Variants in TENM2 observed in about 807,000 individuals in gnomAD.
TENM2 encodes the protein teneurin-2.
A neutral mutation model predicts 245.2 loss-of-function variants in TENM2; 52 were observed. The observed-to-expected ratio is 0.21, with a 90% CI of 0.17 to 0.27. The LOEUF is 0.27. Ranked by LOEUF, TENM2 falls within the 10% of genes least tolerant of loss-of-function variation. The probability of loss-of-function intolerance (pLI) is 1.00; values close to 1 mark genes in which losing one functional copy is unlikely to be tolerated. For synonymous variants in TENM2, 1,363 were observed against 1,438.9 expected (o/e 0.95, Z 1.19); for missense variants, 3,046 against 3,666.8 (o/e 0.83, Z 4.37).
chr5:167,828,963 G>A (rs896566574), intron 2 of TENM2, among the ~76,000 whole-genome samples: 1 of 152,188 alleles, frequency 6.6e-6, no homozygotes, highest in African/African-American at 2.4e-5. Flanking sequence ...CTGCCCATCT[G>A]CCTTGCCTCT....
chr5:167,654,198 C>T (rs1333002910), intron 2 of TENM2, among the ~76,000 whole-genome samples: 2 of 151,984 alleles, frequency 1.3e-5, no homozygotes, highest in African/African-American at 2.4e-5. Flanking sequence ...TCAGTTATGG[C>T]ATGTATGCTG....
intron 2 of TENM2, among the ~76,000 whole-genome samples, chr5:167,859,209 A>G (rs1406437604): frequency 3.5e-5 from 2 of 57,552 alleles, no homozygotes; most frequent in Non-Finnish European, 7.0e-5. Context: ...GCCCCGTCTG[A>G]GAAGTGAGGA....
intron 2 of TENM2, among the ~76,000 whole-genome samples, chr5:167,517,256 A>G (rs1770442272): frequency 6.6e-6 from 1 of 152,218 alleles, no homozygotes; most frequent in African/African-American, 2.4e-5. Context: ...TGAGAAGCTT[A>G]ATGTCACTGT....
In TENM2 at chr5:168,200,651, A is replaced by G. The variant is rs115473696; in HGVS notation, c.3430+520A>G. Reference sequence around the variant, plus strand: ...ACGGAGCACTTGTAAATGGCACAGAATGACCCTGAATAATCAGAAAACAGG... The same window carrying G: ...ACGGAGCACTTGTAAATGGCACAGAGTGACCCTGAATAATCAGAAAACAGG... On this transcript the variant is annotated intron_variant, in intron 17 of 28. Transcript: ENST00000518659. Among the ~76,000 whole-genome samples, 632 of 152,344 alleles carry G rather than the reference A, an allele frequency of 4.1e-3. 5 individuals carry two copies. Among genetic ancestry groups the G allele is most frequent in the African/African-American group, 0.015 (605 of 41,576 alleles).
the TENM2 span, among the ~76,000 whole-genome samples, chr5:167,055,319 T>C: frequency 6.6e-6 from 1 of 152,130 alleles, no homozygotes; most frequent in Non-Finnish European, 1.5e-5. Context: ...ATTGTATTGC[T>C]TTTGCTCTTT....
At chr5:167,712,258 T>C (rs1411079721) in intron 2 of TENM2, among the ~76,000 whole-genome samples, 1 of 152,216 alleles carries the variant, frequency 6.6e-6, no homozygotes, top group Admixed American at 6.5e-5. Flanking sequence ...AAATGAGGTA[T>C]TTTAGTGTAT....
the TENM2 span, among the ~76,000 whole-genome samples, chr5:167,170,957 C>T: frequency 6.6e-6 from 1 of 152,174 alleles, no homozygotes; most frequent in Non-Finnish European, 1.5e-5. Flanking sequence ...TTTGATTCTC[C>T]TCTGGTTTCT....
chr5:168,100,572 A>G (rs999877086), intron 9 of TENM2, among the ~76,000 whole-genome samples: 2 of 152,224 alleles, frequency 1.3e-5, no homozygotes, highest in Admixed American at 6.5e-5. Flanking sequence ...GGATGAGTTC[A>G]TATCCTTTGC....
At chr5:167,327,917 A>G (rs1168100270) in intron 1 of TENM2, among the ~76,000 whole-genome samples, 1 of 152,124 alleles carries the variant, frequency 6.6e-6, no homozygotes, top group Non-Finnish European at 1.5e-5. Flanking sequence ...ATAAGAGATG[A>G]TGTTTGTGAT....
chr5:167,725,096 C>T (rs1759900326), intron 2 of TENM2, among the ~76,000 whole-genome samples: 1 of 152,086 alleles, frequency 6.6e-6, no homozygotes, highest in Non-Finnish European at 1.5e-5. Flanking sequence ...TATGCTTGTG[C>T]TAATTTACAT....
chr5:167,408,034 TG>T (rs1762723961), intron 2 of TENM2, among the ~76,000 whole-genome samples: 1 of 152,184 alleles, frequency 6.6e-6, no homozygotes, highest in South Asian at 2.1e-4. Flanking sequence ...ATTCTTCTTC[TG>T]GGGAAATATC....
At chr5:167,759,156 T>G (rs1165893389) in intron 2 of TENM2, among the ~76,000 whole-genome samples, 1 of 148,166 alleles carries the variant, frequency 6.7e-6, no homozygotes, top group Non-Finnish European at 1.5e-5. Flanking sequence ...TGACACATAC[T>G]AGATTACTTG....
chr5:167,546,247 C>T (rs951800282), intron 2 of TENM2, among the ~76,000 whole-genome samples: 2 of 152,142 alleles, frequency 1.3e-5, no homozygotes, highest in Non-Finnish European at 2.9e-5. Context: ...TTATTCATCT[C>T]AATTGTTGTG....
chr5:167,491,539 C>T (rs780585944), intron 2 of TENM2, among the ~76,000 whole-genome samples: 17 of 152,156 alleles, frequency 1.1e-4, no homozygotes, highest in Non-Finnish European at 2.2e-4. Flanking sequence ...CCACTGTCCA[C>T]AGTACATTTC....
chr5:167,662,798 C>T lies in TENM2; in HGVS notation c.503-213188C>T, dbSNP rs566440295. Among the ~76,000 whole-genome samples the T allele has an allele frequency of 3.3e-5, 5 of 152,240 alleles. No individual in the cohort carries two copies. In the East Asian group the frequency reaches 9.7e-4, roughly 29 times the overall value. On this transcript the variant is annotated intron_variant, in intron 2 of 28. Coordinates refer to ENST00000518659, the Ensembl canonical transcript of TENM2. ...TCAAAGTGTGGTCTATGGACGAACA[C>T]CACCATCAGCATCACCTGAGAGCTT...
chr5:168,234,390 G>T (rs1318204531), intron 25 of TENM2, among the ~76,000 whole-genome samples: 2 of 152,088 alleles, frequency 1.3e-5, no homozygotes, highest in African/African-American at 2.4e-5. Context: ...GACCATACCT[G>T]TATCTTATAA....
chr5:167,862,852 C>G (rs1372788267), intron 2 of TENM2, among the ~76,000 whole-genome samples: 3 of 152,194 alleles, frequency 2.0e-5, no homozygotes. Context: ...CCATACTTGT[C>G]ATGAGAATAG....
chr5:167,398,456 G>A (rs1762196389), intron 2 of TENM2, among the ~76,000 whole-genome samples: 1 of 138,542 alleles, frequency 7.2e-6, no homozygotes, highest in African/African-American at 2.7e-5. Context: ...TTTGAGACAG[G>A]GTCTTGCTCT....
chr5:168,052,451 TATAC>T (rs1789185749), intron 6 of TENM2, among the ~76,000 whole-genome samples: 1 of 151,932 alleles, frequency 6.6e-6, no homozygotes, highest in Non-Finnish European at 1.5e-5. Context: ...TATATATATA[TATAC>T]ACACACACAT....
Sources: gnomAD v4.1 joint callset for allele counts (sites outside exome capture counted in the v4.1 genomes callset) on GRCh38, gnomAD v4.1.1 for gene constraint, MANE v1.5 for transcripts, NCBI Gene and HGNC (gene_info 2026-07-23, HGNC 2026-07-21) for gene names.